Variants in TMEFF2 observed in about 807,000 individuals in gnomAD.
TMEFF2 encodes the protein transmembrane protein with EGF like and two follistatin like domains 2.
A neutral mutation model predicts 53.8 loss-of-function variants in TMEFF2; 28 were observed. The ratio of observed to expected loss-of-function variants is 0.52; its 90% confidence interval spans 0.39 to 0.71. TMEFF2 has a LOEUF of 0.71. TMEFF2 is among the 30% of genes least tolerant of loss of function. The pLI is 0.00. For missense variants in TMEFF2, 353 were observed against 455.2 expected, an observed-to-expected ratio of 0.78 and a Z score of 2.04; for synonymous variants, 162 against 166.3, an observed-to-expected ratio of 0.97 and a Z score of 0.20.
chr2:192,120,775 C>T (rs549698776), intron 4 of TMEFF2, among the ~76,000 whole-genome samples: 18 of 151,234 alleles, frequency 1.2e-4, no homozygotes, highest in African/African-American at 2.4e-4. Context: ...CTCGCTCTGT[C>T]GCCCAGGCTG....
At chr2:192,075,308 T>TATATAAATATATATATATATAAATATAA (rs1553518801) in intron 4 of TMEFF2, among the ~76,000 whole-genome samples, 24 of 67,944 alleles carry the variant, frequency 3.5e-4, no homozygotes, top group Admixed American at 5.1e-4. Flanking sequence ...TATATATATA[T>TATATAAATATATATATATATAAATATAA]ATATATATAT....
intron 2 of TMEFF2, among the ~76,000 whole-genome samples, chr2:192,190,464 T>A (rs989112513): frequency 1.3e-5 from 2 of 152,092 alleles, no homozygotes; most frequent in Non-Finnish European, 2.9e-5. Flanking sequence ...AATTGGGGAG[T>A]TCTCATACTC....
At chr2:192,006,060 C>CT (rs56336479) in intron 5 of TMEFF2, among the ~76,000 whole-genome samples, 15,160 of 139,982 alleles carry the variant, frequency 0.11, 1,036 homozygotes, top group East Asian at 0.33. Context: ...TCTCAGGTGA[C>CT]TTTTTTTTTT....
chr2:192,164,978 C>CTGTGTGTGTGTGTGTG (rs71033662), intron 4 of TMEFF2, among the ~76,000 whole-genome samples: 23,310 of 144,956 alleles, frequency 0.16, 2,119 homozygotes, highest in Non-Finnish European at 0.22. Flanking sequence ...TGAATAAAAA[C>CTGTGTGTGTGTGTGTG]TGTGTGTGTG....
chr2:192,040,555 A>G (rs777303412), intron 5 of TMEFF2, among the ~76,000 whole-genome samples: 92 of 152,114 alleles, frequency 6.0e-4, no homozygotes, highest in Admixed American at 1.2e-3. Flanking sequence ...CTCAAATTTA[A>G]AAGTCACTCT....
intron 4 of TMEFF2, among the ~76,000 whole-genome samples, chr2:192,090,850 G>A (rs180796854): frequency 3.5e-4 from 54 of 152,208 alleles, no homozygotes; most frequent in African/African-American, 1.1e-3. Flanking sequence ...TTAGTTATAT[G>A]TGGATTTTTT....
At chr2:192,070,786 G>A (rs1243289735) in intron 4 of TMEFF2, among the ~76,000 whole-genome samples, 1 of 151,884 alleles carries the variant, frequency 6.6e-6, no homozygotes, top group South Asian at 2.1e-4. Context: ...TGGTTAAACC[G>A]AAGTTGAGGA....
intron 4 of TMEFF2, among the ~76,000 whole-genome samples, chr2:192,164,642 C>G (rs547424616): frequency 1.3e-5 from 2 of 151,424 alleles, no homozygotes; most frequent in African/African-American, 2.4e-5. Flanking sequence ...GCAGGAGAAT[C>G]GCTTGAACAT....
At chr2:191,973,728 A>C (rs1158312857) in intron 7 of TMEFF2, among the ~76,000 whole-genome samples, 1 of 152,196 alleles carries the variant, frequency 6.6e-6, no homozygotes, top group Non-Finnish European at 1.5e-5. Context: ...TGTAGTTCCC[A>C]TAATCCCCAC....
chr2:192,161,255 G>A (rs1270955091), intron 4 of TMEFF2, among the ~76,000 whole-genome samples: 1 of 151,928 alleles, frequency 6.6e-6, no homozygotes, highest in Admixed American at 6.6e-5. Flanking sequence ...TGCAACCTCC[G>A]CCTTCCGTGT....
Position 192,059,214 on chromosome 2 carries a change from G to C in TMEFF2, c.440-1439C>G, listed in dbSNP as rs540372389. Among the ~76,000 whole-genome samples, 11 of 150,676 alleles carry C rather than the reference G, an allele frequency of 7.3e-5. No homozygotes were observed. In the South Asian group the frequency reaches 8.4e-4, roughly 11 times the overall value. ...TTTTTAAAACAATATGAATTAAACA[G>C]GTCAATTTCAATTGCAAAAGTATTG... On this transcript the variant is annotated intron_variant, in intron 4 of 9. Transcript: ENST00000272771.
At chr2:192,057,874 G>T in intron 4 of TMEFF2, 99 bp from the exon 5 acceptor site, 1 of 929,020 alleles carries the variant, frequency 1.1e-6, no homozygotes. Context: ...TTTCCCAATG[G>T]ACCTGTCTGC....
intron 4 of TMEFF2, among the ~76,000 whole-genome samples, chr2:192,122,546 AT>A (rs1315841300): frequency 6.6e-6 from 1 of 152,198 alleles, no homozygotes; most frequent in Non-Finnish European, 1.5e-5. Flanking sequence ...GGTATTTTAA[AT>A]ATGGTGTATG....
chr2:192,015,961 A>G (rs570380869), intron 5 of TMEFF2, among the ~76,000 whole-genome samples: 15 of 152,370 alleles, frequency 9.8e-5, no homozygotes, highest in African/African-American at 3.6e-4. Flanking sequence ...TTTTCACAGG[A>G]CAAGACACTT....
intron 8 of TMEFF2, 141 bp from the exon 9 acceptor site, chr2:191,953,978 T>C (rs1691979616): frequency 1.5e-6 from 1 of 674,490 alleles, no homozygotes; most frequent in Non-Finnish European, 2.1e-6. Context: ...AAGTTCCGCC[T>C]CCGGGTTCAC....
chr2:192,114,690 AAAAG>A (rs1343664059), intron 4 of TMEFF2, among the ~76,000 whole-genome samples: 2 of 152,006 alleles, frequency 1.3e-5, no homozygotes, highest in African/African-American at 4.8e-5. Context: ...AGTAGCATCT[AAAAG>A]AATAAAATAC....
chr2:191,996,820 T>C (rs1041170355), intron 7 of TMEFF2, among the ~76,000 whole-genome samples: 2 of 151,886 alleles, frequency 1.3e-5, no homozygotes, highest in Admixed American at 1.3e-4. Context: ...CTTCCACATA[T>C]TATGAAAGTA....
chr2:191,955,074 A>G (rs553548207), intron 8 of TMEFF2, among the ~76,000 whole-genome samples: 1 of 140,060 alleles, frequency 7.1e-6, no homozygotes, highest in Non-Finnish European at 1.5e-5. Context: ...ACTTCAGTTG[A>G]AGGCCTGTGC....
At chr2:192,170,145 C>T (rs934339735) in intron 4 of TMEFF2, among the ~76,000 whole-genome samples, 1 of 152,006 alleles carries the variant, frequency 6.6e-6, no homozygotes, top group Non-Finnish European at 1.5e-5. Context: ...AACTCTCTAA[C>T]CCTTAAGGAT....
Sources: gnomAD v4.1 joint callset for allele counts (sites outside exome capture counted in the v4.1 genomes callset) on GRCh38, gnomAD v4.1.1 for gene constraint, MANE v1.5 for transcripts, NCBI Gene and HGNC (gene_info 2026-07-23, HGNC 2026-07-21) for gene names.